Variants in IQGAP1 observed in about 807,000 individuals in gnomAD.
IQGAP1 encodes the protein IQ motif containing GTPase activating protein 1, also known as ras GTPase-activating-like protein IQGAP1.
IQGAP1 carries 66 observed loss-of-function variants against 215.6 expected under a neutral mutation model. That is an observed-to-expected ratio of 0.31 (90% CI 0.25 to 0.38). IQGAP1 has a LOEUF of 0.38. Ranked by LOEUF, IQGAP1 falls within the 10% of genes least tolerant of loss-of-function variation. IQGAP1 has a pLI of 1.00. For missense variants in IQGAP1, 1,712 were observed against 1,997.1 expected, an observed-to-expected ratio of 0.86 and a Z score of 2.72; for synonymous variants, 772 against 728.7, an observed-to-expected ratio of 1.06 and a Z score of -0.96.
At chr15:90,435,392 C>T (rs745612418) in intron 5 of IQGAP1, among the ~76,000 whole-genome samples, 9 of 152,206 alleles carry the variant, frequency 5.9e-5, no homozygotes, top group Non-Finnish European at 4.4e-5. Context: ...GGGAGGATCA[C>T]TTAAGCCGAG....
rs1462823136 is a variant in IQGAP1 at position 90,491,492 on chromosome 15, G to C, written c.4408G>C (p.Gly1470Arg). Residue 1470 changes from glycine (G) to arginine (R), a missense_variant, in exon 34 of 38, where the codon GGA becomes CGA. Transcript: ENST00000268182. ...AGGTTTAAAGAAGCTAACAGAGCTTGGAACCGTGGACCCAAAGAACAAATA... is the reference window on the plus strand; with the variant it reads ...AGGTTTAAAGAAGCTAACAGAGCTTCGAACCGTGGACCCAAAGAACAAATA... ...QTGLKKLTEL[G>R]TVDPKNKYQE... 6.2e-7 allele frequency: 1 copy of C among 1,614,168 alleles called. No individual in the cohort carries two copies. Among genetic ancestry groups the C allele is most frequent in the African/African-American group, 1.3e-5 (1 of 75,056 alleles).
intron 6 of IQGAP1, among the ~76,000 whole-genome samples, 189 bp from the exon 7 acceptor site, chr15:90,440,313 C>T (rs577196699): frequency 9.2e-5 from 14 of 152,172 alleles, no homozygotes; most frequent in African/African-American, 1.9e-4. Flanking sequence ...ATAATAATAA[C>T]GTTTGACTAC....
intron 25 of IQGAP1, 22 bp from the exon 26 acceptor site, chr15:90,477,643 A>C: frequency 6.5e-7 from 1 of 1,549,290 alleles, no homozygotes; most frequent in South Asian, 1.1e-5. Flanking sequence ...ACAAGTTTAA[A>C]TTTTTATCTG....
rs745743470 is a variant in IQGAP1, at chr15:90,448,747, T to C, written c.1077+11T>C. 1 of 1,548,178 alleles carries C rather than the reference T, an allele frequency of 6.5e-7. No individual in the cohort carries two copies. Among genetic ancestry groups the C allele is most frequent in the Non-Finnish European group, 8.7e-7 (1 of 1,147,208 alleles). On this transcript the variant is annotated intron_variant, in intron 10 of 37. Transcript: ENST00000268182. ...CAGCAGAAGAGACAGGTAAACATAG[T>C]CTGGATTGAAGCTGCAAGAGTTTGT... is the stretch of plus-strand genomic sequence containing the variant.
intron 3 of IQGAP1, among the ~76,000 whole-genome samples, chr15:90,429,216 T>G (rs1381094237): frequency 1.3e-5 from 2 of 152,226 alleles, no homozygotes; most frequent in Non-Finnish European, 2.9e-5. Context: ...TTTGTTCATG[T>G]GCATTATCTC....
rs1024321908 is a variant in IQGAP1, at chr15:90,486,768, T to C, written c.4025-186T>C. The C allele has an allele frequency of 8.2e-5, 49 of 600,080 alleles. No individual in the cohort carries two copies. In the African/African-American group the frequency reaches 8.4e-4, roughly 10 times the overall value. The allele number at this position is 600,080 out of a possible 1,614,324, so 37.2% of individuals were successfully genotyped here. Reference sequence around the variant, plus strand: ...TTCTCAAACATTTATGGAGTTATTATGGATCCCTTGCCTTTATCATTTGGC... The same window carrying C: ...TTCTCAAACATTTATGGAGTTATTACGGATCCCTTGCCTTTATCATTTGGC... On this transcript the variant is annotated intron_variant, in intron 31 of 37. Transcript: ENST00000268182.
chr15:90,497,715 T>TA (rs1966290717), intron 37 of IQGAP1, among the ~76,000 whole-genome samples: 1 of 152,232 alleles, frequency 6.6e-6, no homozygotes, highest in Admixed American at 6.5e-5. Context: ...ACTTAAAAGT[T>TA]AGATACATTC....
At chr15:90,449,784 G>A (rs78896416) in intron 11 of IQGAP1, 141 bp downstream of exon 11, 97,235 of 589,626 alleles carry the variant, frequency 0.16, 10,800 homozygotes, top group East Asian at 0.41. Context: ...GGTGGCAGGA[G>A]GGTTCCTCCA....
intron 3 of IQGAP1, among the ~76,000 whole-genome samples, chr15:90,426,484 G>C (rs1028041464): frequency 2.0e-5 from 3 of 151,658 alleles, no homozygotes; most frequent in African/African-American, 7.3e-5. Context: ...TGGAAAGCCC[G>C]CCTCCCCCCT....
At chr15:90,473,826 A>G (rs773895784) in intron 20 of IQGAP1, 28 bp downstream of exon 20, 5 of 1,611,088 alleles carry the variant, frequency 3.1e-6, no homozygotes, top group Non-Finnish European at 4.2e-6. Flanking sequence ...GGGTTTCTCC[A>G]TGAGGGGCAC....
intron 2 of IQGAP1, among the ~76,000 whole-genome samples, chr15:90,412,258 G>A (rs1459003999): frequency 6.6e-6 from 1 of 151,980 alleles, no homozygotes; most frequent in East Asian, 1.9e-4. Flanking sequence ...TTATACTCAG[G>A]TTTCCTTTAA....
In IQGAP1 at chr15:90,501,569, C is replaced by T. The variant is rs1373696388; in HGVS notation, c.*1461C>T. ...ATGAATAACAAACTATGTAGTGTGT[C>T]CCTATTATAAATGCATTGGAGAAGT... On this transcript the variant is annotated 3_prime_UTR_variant, in exon 38 of 38. Coordinates refer to ENST00000268182, the MANE Select transcript of IQGAP1 (RefSeq NM_003870.4). 3 of 152,030 alleles carry T rather than the reference C, an allele frequency of 2.0e-5. No individual in the cohort carries two copies. The highest frequency in any genetic ancestry group is 7.3e-5 in the African/African-American group (3 of 41,368). The allele number at this position is 152,030 out of a possible 1,614,324, so 9.4% of individuals were successfully genotyped here.
Position 90,482,221 on chromosome 15 carries a change from A to G in IQGAP1, c.3495A>G (p.Lys1165=), listed in dbSNP as rs750981977. Residue 1165 remains lysine, a synonymous_variant, in exon 28 of 38, where the codon AAA becomes AAG. Coordinates refer to ENST00000268182, the MANE Select transcript of IQGAP1 (RefSeq NM_003870.4). Reference sequence around the variant, plus strand: ...GTTATGGGATGCGCTTCATTGCCAAAGTGCTGAAGGACTCGTTGCATGAGA... The same window carrying G: ...GTTATGGGATGCGCTTCATTGCCAAGGTGCTGAAGGACTCGTTGCATGAGA... The part of the protein sequence containing the change: ...KIPYGMRFIA[K]VLKDSLHEKF... The G allele has an allele frequency of 6.2e-7, 1 of 1,614,222 alleles. No homozygotes were observed. Among genetic ancestry groups the G allele is most frequent in the Non-Finnish European group, 8.5e-7 (1 of 1,180,028 alleles).
intron 2 of IQGAP1, among the ~76,000 whole-genome samples, chr15:90,422,511 G>A (rs1317585599): frequency 6.6e-6 from 1 of 150,700 alleles, no homozygotes; most frequent in Non-Finnish European, 1.5e-5. Context: ...ACTTATTAAG[G>A]ACTTGGTTAA....
Position 90,476,073 on chromosome 15 carries a change from C to A in IQGAP1, c.2785-590C>A, listed in dbSNP as rs375947080. ...ACTTCAGCCTCTCAAGTAGCTAGGA[C>A]GACAGGTGCATGCCACCACGTCTGG... On this transcript the variant is annotated intron_variant, in intron 23 of 37. Coordinates refer to ENST00000268182, the MANE Select transcript of IQGAP1 (RefSeq NM_003870.4). Among the ~76,000 whole-genome samples, 4 of 151,996 alleles carry A rather than the reference C, an allele frequency of 2.6e-5. No individual in the cohort carries two copies. In the East Asian group the frequency reaches 5.8e-4, roughly 22 times the overall value.
In IQGAP1 at chr15:90,400,597, G is replaced by GGCA. The variant is rs760656757; in HGVS notation, c.155+9727_155+9729dup. Among the ~76,000 whole-genome samples, 24 of 152,224 alleles carry GGCA rather than the reference G, an allele frequency of 1.6e-4. 2 individuals carry two copies. The East Asian group carries it at 2.3e-3, about 15-fold the overall frequency. ...GGCCATGAAAAACCAGTGTTAATCGGGCAGCTGAGTGTATGGATTGTCCAC... is the reference window on the plus strand; with the variant it reads ...GGCCATGAAAAACCAGTGTTAATCGGGCAGCAGCTGAGTGTATGGATTGTCCAC... On this transcript the variant is annotated intron_variant, in intron 2 of 37. Coordinates refer to ENST00000268182, the MANE Select transcript of IQGAP1 (RefSeq NM_003870.4).
At chr15:90,410,627 A>G (rs1325447867) in intron 2 of IQGAP1, among the ~76,000 whole-genome samples, 2 of 145,030 alleles carry the variant, frequency 1.4e-5, no homozygotes, top group Non-Finnish European at 3.0e-5. Flanking sequence ...ATAGGTGGGA[A>G]TTGAACAATG....
intron 15 of IQGAP1, among the ~76,000 whole-genome samples, chr15:90,457,090 A>G (rs1365463472): frequency 1.3e-5 from 2 of 151,938 alleles, no homozygotes; most frequent in Admixed American, 1.3e-4. Flanking sequence ...GTCAGATTGT[A>G]GAACCCATTA....
chr15:90,412,086 C>T (rs1307484456), intron 2 of IQGAP1, among the ~76,000 whole-genome samples: 1 of 152,092 alleles, frequency 6.6e-6, no homozygotes, highest in East Asian at 1.9e-4. Context: ...GTAATTTTGA[C>T]AAGTAGACTT....
Sources: allele counts gnomAD v4.1 joint callset (sites outside exome capture counted in the v4.1 genomes callset), GRCh38; gene constraint gnomAD v4.1.1; transcripts MANE v1.5; gene names NCBI Gene and HGNC (gene_info 2026-07-23, HGNC 2026-07-21).